The following LYST variants were observed in gnomAD, a reference collection of about 807,000 sequenced individuals.
LYST encodes lysosomal-trafficking regulator.
In LYST, 192 loss-of-function variants were observed where a neutral mutation model predicts 413.6. That is an observed-to-expected ratio of 0.46 (90% CI 0.41 to 0.52). The LOEUF (loss-of-function observed/expected upper bound fraction) is 0.52. Ranked by LOEUF, LYST falls within the 20% of genes least tolerant of loss-of-function variation. The probability of loss-of-function intolerance (pLI) is 0.00; values close to 1 mark genes in which losing one functional copy is unlikely to be tolerated. For synonymous variants in LYST, 1,525 were observed against 1,567.3 expected (o/e 0.97, Z 0.64); for missense variants, 3,815 against 4,499.9 (o/e 0.85, Z 4.35).
At chr1:235,715,698 TTC>T (rs1662778841) in intron 41 of LYST, among the ~76,000 whole-genome samples, 1 of 152,202 alleles carries the variant, frequency 6.6e-6, no homozygotes, top group African/African-American at 2.4e-5. Flanking sequence ...TGAGAGGTGC[TTC>T]TGTCACTAGA....
At chr1:235,701,501 G>A (rs1194583444) in intron 45 of LYST, among the ~76,000 whole-genome samples, 7 of 152,170 alleles carry the variant, frequency 4.6e-5, no homozygotes, top group African/African-American at 1.4e-4. Context: ...GGTGGCGGGC[G>A]CCTGTAATCC....
Position 235,806,245 on chromosome 1 carries a change from C to A in LYST, c.2891G>T (p.Trp964Leu), listed in dbSNP as rs1484190780. 1 of 1,613,830 alleles carries A rather than the reference C, an allele frequency of 6.2e-7. No homozygotes were observed. Among genetic ancestry groups the A allele is most frequent in the Non-Finnish European group, 8.5e-7 (1 of 1,179,946 alleles). Residue 964 changes from tryptophan (W) to leucine (L), a missense_variant, in exon 6 of 53, where the codon TGG becomes TTG. By Grantham distance (61) the Trp-to-Leu change is moderately conservative (BLOSUM62 -2). This residue lies in a region of LYST where 1,648 missense variants were observed against 1,810.3 expected (regional missense o/e 0.91). Transcript: ENST00000389793. ...CATGTAGATCCAACGACACATAGAC[C>A]AAATGTCTGCTGCTTGGTGCATATG... ...PEHMHQAADI[W>L]SMCRWIYMLS...
At position 235,693,213 on chromosome 1, in the gene LYST, A is replaced by C. The variant is rs1002087269; in HGVS notation, c.10701+137T>G. The C allele has an allele frequency of 4.9e-6, 3 of 610,144 alleles. No homozygotes were observed. The Admixed American group carries it at 8.4e-5, about 17-fold the overall frequency. The allele number at this position is 610,144 out of a possible 1,614,324, so 37.8% of individuals were successfully genotyped here. On this transcript the variant is annotated intron_variant, in intron 47 of 52. Transcript: ENST00000389793. Reference sequence around the variant, plus strand: ...GTGCCTGTAGTCCCAGCTACTTGGGAGGCTGAGGCAGGAGAATGGCGTGAG... The same window carrying C: ...GTGCCTGTAGTCCCAGCTACTTGGGCGGCTGAGGCAGGAGAATGGCGTGAG...
rs1373336982 is a variant in LYST at position 235,746,514 on chromosome 1, A to G, written c.7794T>C (p.Phe2598=). The G allele has an allele frequency of 1.9e-6, 3 of 1,613,044 alleles. No homozygotes were observed. In the Admixed American group the frequency reaches 5.0e-5, roughly 27 times the overall value. The part of the protein sequence containing the change: ...KRKSIAGPRK[F]PLAQTESLLM... ...GAAGCGATTCAGTTTGAGCAAGGGGAAATTTTCGAGGACCTTTAAAAGTAT... is the reference window on the plus strand; with the variant it reads ...GAAGCGATTCAGTTTGAGCAAGGGGGAATTTTCGAGGACCTTTAAAAGTAT... Residue 2598 remains phenylalanine (F), a synonymous_variant, in exon 29 of 53, where the codon TTT becomes TTC. Transcript: ENST00000389793.
In LYST at chr1:235,715,369, G is replaced by C. The variant is rs375187995; in HGVS notation, c.9628-12C>G. 43 of 1,613,100 alleles carry C rather than the reference G, an allele frequency of 2.7e-5. No homozygotes were observed. Among genetic ancestry groups the C allele is most frequent in the Non-Finnish European group, 3.4e-5 (40 of 1,179,514 alleles). ...TCTTCCTCCAAGTACTGAAAGAAAC[G>C]GTGAATCCAGAGAATTCATGATTGT... On this transcript the variant is annotated splice_polypyrimidine_tract_variant and intron_variant, in intron 41 of 52. Transcript: ENST00000389793.
chr1:235,859,051 C>G (rs970074392), intron 1 of LYST, among the ~76,000 whole-genome samples: 1 of 152,190 alleles, frequency 6.6e-6, no homozygotes, highest in African/African-American at 2.4e-5. Flanking sequence ...CATACTCCAA[C>G]CCATGTTCTT....
At chr1:235,842,408 G>C (rs970807969) in intron 1 of LYST, among the ~76,000 whole-genome samples, 1 of 152,172 alleles carries the variant, frequency 6.6e-6, no homozygotes, top group African/African-American at 2.4e-5. Flanking sequence ...GATGTCTAAA[G>C]TGAAGTGAAA....
intron 3 of LYST, among the ~76,000 whole-genome samples, chr1:235,822,392 G>A (rs1674843702): frequency 6.6e-6 from 1 of 152,160 alleles, no homozygotes; most frequent in Admixed American, 6.5e-5. Context: ...TTCCTCTCCT[G>A]TCCCTCTTCT....
intron 49 of LYST, 47 bp from the exon 50 acceptor site, chr1:235,677,235 T>C: frequency 1.5e-6 from 2 of 1,372,394 alleles, no homozygotes; most frequent in Non-Finnish European, 2.1e-6. Context: ...TAAATATAAT[T>C]ACATTCTCTT....
intron 10 of LYST, among the ~76,000 whole-genome samples, chr1:235,798,322 A>G (rs1167534048): frequency 6.6e-6 from 1 of 152,078 alleles, no homozygotes; most frequent in East Asian, 1.9e-4. Flanking sequence ...ACATATCAAT[A>G]TAAGTTCATT....
rs1419784218 is a variant in LYST, at chr1:235,860,909, G to A, written c.-98+5934C>T. On this transcript the variant is annotated intron_variant, in intron 1 of 52. Coordinates refer to ENST00000389793, the MANE Select transcript of LYST (RefSeq NM_000081.4). ...TCTTTCTTCCATTATAGATTAATAGGCATTTTCTAGAATTTTACAGATGGA... is the reference window on the plus strand; with the variant it reads ...TCTTTCTTCCATTATAGATTAATAGACATTTTCTAGAATTTTACAGATGGA... Among the ~76,000 whole-genome samples, 3 of 151,814 alleles carry A rather than the reference G, an allele frequency of 2.0e-5. No homozygotes were observed. In the East Asian group the frequency reaches 5.8e-4, roughly 29 times the overall value.
At chr1:235,846,218 G>T (rs2103073174) in intron 1 of LYST, among the ~76,000 whole-genome samples, 1 of 152,198 alleles carries the variant, frequency 6.6e-6, no homozygotes, top group Non-Finnish European at 1.5e-5. Flanking sequence ...ACAACCCCCA[G>T]TACCGGCCTG....
At chr1:235,665,208 T>C (rs1216638893) in intron 50 of LYST, among the ~76,000 whole-genome samples, 1 of 152,208 alleles carries the variant, frequency 6.6e-6, no homozygotes, top group Non-Finnish European at 1.5e-5. Flanking sequence ...CTTTGTGTAA[T>C]TGTAATATTT....
intron 3 of LYST, among the ~76,000 whole-genome samples, chr1:235,821,551 G>A (rs965819140): frequency 2.0e-5 from 3 of 152,158 alleles, no homozygotes; most frequent in Admixed American, 1.3e-4. Flanking sequence ...TTTTTGATGA[G>A]TCAGGATAGT....
chr1:235,728,934 C>T (rs1664130866), intron 37 of LYST, among the ~76,000 whole-genome samples: 1 of 152,070 alleles, frequency 6.6e-6, no homozygotes, highest in South Asian at 2.1e-4. Flanking sequence ...TGGGCCCCAC[C>T]CTCAGAATTT....
intron 38 of LYST, among the ~76,000 whole-genome samples, chr1:235,724,570 T>C (rs946949975): frequency 2.0e-5 from 3 of 152,136 alleles, no homozygotes; most frequent in Non-Finnish European, 4.4e-5. Context: ...GAGTTTATAT[T>C]CACTCTTTGT....
intron 48 of LYST, among the ~76,000 whole-genome samples, chr1:235,681,189 A>G (rs1659787008): frequency 6.6e-6 from 1 of 152,172 alleles, no homozygotes; most frequent in South Asian, 2.1e-4. Context: ...TGAAGTTTTG[A>G]AGAACTGGCA....
Position 235,661,264 on chromosome 1 carries a change from T to C in LYST, c.*1676A>G, listed in dbSNP as rs190980865. 1.3e-4 allele frequency: 20 copies of C among 152,760 alleles called. No homozygotes were observed. The highest frequency in any genetic ancestry group is 4.8e-4 in the African/African-American group (20 of 41,580). 9.5% of individuals were successfully genotyped at this position (152,760 alleles called of 1,614,324 possible). On this transcript the variant is annotated 3_prime_UTR_variant, in exon 53 of 53. Transcript: ENST00000389793. The stretch of plus-strand genomic sequence containing the variant: ...TAACAAGACCAGTTATTCTGCATAT[T>C]TTCTCTTTAGATAAATGATGAAATT...
At chr1:235,722,546 C>T (rs557509451) in intron 39 of LYST, among the ~76,000 whole-genome samples, 165 of 152,232 alleles carry the variant, frequency 1.1e-3, no homozygotes, top group Middle Eastern at 6.8e-3. Context: ...AGTGTAATGG[C>T]GTGATCTTGG....
Sources: allele counts gnomAD v4.1 joint callset (sites outside exome capture counted in the v4.1 genomes callset), GRCh38; gene constraint gnomAD v4.1.1; regional missense constraint gnomAD v4.1.1; transcripts MANE v1.5; gene names NCBI Gene and HGNC (gene_info 2026-07-23, HGNC 2026-07-21).